Variants in CGNL1 observed in about 807,000 individuals in gnomAD.
CGNL1 encodes cingulin-like protein 1.
Under a neutral mutation model 141.2 loss-of-function variants are expected in CGNL1, and 132 were observed. The ratio of observed to expected loss-of-function variants is 0.93; its 90% CI spans 0.81 to 1.08. The LOEUF is 1.08. CGNL1 is among the 50% of genes least tolerant of loss of function. CGNL1 has a pLI of 0.00. For missense variants in CGNL1, 1,870 were observed against 1,588.6 expected, an observed-to-expected ratio of 1.18 and a Z score of -3.01; for synonymous variants, 690 against 622.1, an observed-to-expected ratio of 1.11 and a Z score of -1.63.
intron 2 of CGNL1, among the ~76,000 whole-genome samples, 155 bp downstream of exon 2, chr15:57,439,756 A>C (rs1268771780): frequency 6.6e-6 from 1 of 152,174 alleles, no homozygotes; most frequent in African/African-American, 2.4e-5. Context: ...GTTGTGTCCT[A>C]CTGACGATGT....
chr15:57,472,826 GAGA>G (rs1326909049), intron 8 of CGNL1, among the ~76,000 whole-genome samples: 3 of 152,216 alleles, frequency 2.0e-5, no homozygotes, highest in African/African-American at 4.8e-5. Context: ...TATGCTGACG[GAGA>G]AGGTTTGTAG....
At chr15:57,481,074 T>G (rs1473969434) in intron 8 of CGNL1, among the ~76,000 whole-genome samples, 12 of 151,072 alleles carry the variant, frequency 7.9e-5, no homozygotes, top group Non-Finnish European at 1.3e-4. Flanking sequence ...GTTTTTTTTT[T>G]TTTTTTTTTT....
intron 8 of CGNL1, among the ~76,000 whole-genome samples, chr15:57,480,986 T>C (rs1441686330): frequency 6.6e-6 from 1 of 151,830 alleles, no homozygotes; most frequent in Non-Finnish European, 1.5e-5. Flanking sequence ...ATGCCTTCTC[T>C]TTGTATCCAG....
At chr15:57,408,217 A>G (rs948168305) in intron 1 of CGNL1, among the ~76,000 whole-genome samples, 32 of 152,126 alleles carry the variant, frequency 2.1e-4, no homozygotes, top group African/African-American at 7.5e-4. Flanking sequence ...TCCCACAAGC[A>G]GCTGAAGGCA....
chr15:57,500,163 C>T (rs1284025679), intron 8 of CGNL1, among the ~76,000 whole-genome samples: 3 of 152,142 alleles, frequency 2.0e-5, no homozygotes, highest in African/African-American at 7.2e-5. Flanking sequence ...TGTTTTCCTT[C>T]ATACCCTTTT....
Position 57,461,865 on chromosome 15 carries a change from G to A in CGNL1, c.2376G>A (p.Leu792=). ...KEQYDAELQA[L]RESVEEATKN... ...AATATGATGCTGAGTTGCAGGCCCT[G>A]AGGGAGAGTGTGGAAGAAGCAACCA... Residue 792 remains leucine (L), a synonymous_variant, in exon 8 of 19, where the codon CTG becomes CTA. Coordinates refer to ENST00000281282, the MANE Select transcript of CGNL1 (RefSeq NM_032866.5). The A allele has an allele frequency of 6.2e-7, 1 of 1,613,946 alleles. No homozygotes were observed. The highest frequency in any genetic ancestry group is 8.5e-7 in the Non-Finnish European group (1 of 1,179,962).
chr15:57,513,924 G>T (rs1330980096), intron 8 of CGNL1, among the ~76,000 whole-genome samples: 1 of 152,152 alleles, frequency 6.6e-6, no homozygotes, highest in African/African-American at 2.4e-5. Flanking sequence ...GTTTTCCAAA[G>T]TAGCTGCACC....
intron 1 of CGNL1, among the ~76,000 whole-genome samples, chr15:57,423,374 G>T (rs2152285576): frequency 6.6e-6 from 1 of 152,336 alleles, no homozygotes; most frequent in Non-Finnish European, 1.5e-5. Context: ...GGAAATAAAT[G>T]TAGCAGATTT....
chr15:57,543,571 G>A (rs1381568690), intron 14 of CGNL1, 125 bp from the exon 15 acceptor site: 2 of 766,072 alleles, frequency 2.6e-6, no homozygotes, highest in African/African-American at 1.8e-5. Context: ...GATGGCACGA[G>A]GGGCTGGGTA....
At chr15:57,482,116 G>T (rs1229411236) in intron 8 of CGNL1, among the ~76,000 whole-genome samples, 2 of 148,052 alleles carry the variant, frequency 1.4e-5, no homozygotes, top group Non-Finnish European at 3.0e-5. Context: ...TTTGGGGTTT[G>T]TTTTTTTTTT....
intron 4 of CGNL1, among the ~76,000 whole-genome samples, chr15:57,448,704 T>C (rs2063286858): frequency 6.6e-6 from 1 of 152,182 alleles, no homozygotes; most frequent in African/African-American, 2.4e-5. Flanking sequence ...TTAAAAATAT[T>C]AGTTATAGTT....
intron 8 of CGNL1, among the ~76,000 whole-genome samples, chr15:57,472,478 G>C (rs2063594918): frequency 6.6e-6 from 1 of 152,162 alleles, no homozygotes; most frequent in South Asian, 2.1e-4. Flanking sequence ...GTGAATGTTT[G>C]ACACAGACAG....
At chr15:57,468,551 A>G (rs1214445396) in intron 8 of CGNL1, among the ~76,000 whole-genome samples, 1 of 143,062 alleles carries the variant, frequency 7.0e-6, no homozygotes, top group East Asian at 2.1e-4. Context: ...TCTTTGGTAA[A>G]AAGTTTGCGT....
chr15:57,506,777 G>A (rs1254880996), intron 8 of CGNL1, among the ~76,000 whole-genome samples: 2 of 152,180 alleles, frequency 1.3e-5, no homozygotes, highest in Non-Finnish European at 2.9e-5. Context: ...GTCTTACTAT[G>A]TGTCTGAAAC....
rs369204678 is a variant in CGNL1 at position 57,513,253 on chromosome 15, GGTGTGTGT to G, written c.2404-3492_2404-3485del. On this transcript the variant is annotated intron_variant, in intron 8 of 18. Transcript: ENST00000281282. ...AGACTTTCATATAAATGTCAATATGGGTGTGTGTGTGTGTGTGTGTGTGTGTGTGTGTG... is the reference window on the plus strand; with the variant it reads ...AGACTTTCATATAAATGTCAATATGGGTGTGTGTGTGTGTGTGTGTGTGTG... Among the ~76,000 whole-genome samples, 1,135 of 133,990 alleles carry G rather than the reference GGTGTGTGT, an allele frequency of 8.5e-3. 18 individuals carry two copies. Among genetic ancestry groups the G allele is most frequent in the African/African-American group, 0.03 (1,062 of 35,798 alleles). 87.9% of individuals were successfully genotyped at this position (133,990 alleles called of 152,430 possible). A position where few individuals can be genotyped will look rare whatever the true frequency, so the allele number is the denominator to read the frequency against.
At chr15:57,500,741 C>T (rs373473286) in intron 8 of CGNL1, among the ~76,000 whole-genome samples, 71 of 152,112 alleles carry the variant, frequency 4.7e-4, no homozygotes, top group African/African-American at 1.5e-3. Context: ...AAAGTGAGGC[C>T]GACTTTAGCC....
chr15:57,421,347 A>G (rs1257566460), intron 1 of CGNL1, among the ~76,000 whole-genome samples: 1 of 152,242 alleles, frequency 6.6e-6, no homozygotes, highest in East Asian at 1.9e-4. Context: ...TAGAAAAAGT[A>G]TAGACATCCC....
intron 7 of CGNL1, among the ~76,000 whole-genome samples, chr15:57,454,335 G>A (rs1440000392): frequency 6.6e-6 from 1 of 152,138 alleles, no homozygotes; most frequent in Non-Finnish European, 1.5e-5. Flanking sequence ...AAAACATAAA[G>A]GTACTGTGTT....
intron 8 of CGNL1, among the ~76,000 whole-genome samples, chr15:57,464,545 G>A (rs1285285742): frequency 6.6e-6 from 1 of 152,054 alleles, no homozygotes; most frequent in African/African-American, 2.4e-5. Flanking sequence ...TTCTGACTGG[G>A]TTTTCAGTCC....
Sources: allele counts gnomAD v4.1 joint callset (sites outside exome capture counted in the v4.1 genomes callset), GRCh38; gene constraint gnomAD v4.1.1; transcripts MANE v1.5; gene names NCBI Gene and HGNC (gene_info 2026-07-23, HGNC 2026-07-21).